Variants in GINS4 observed in about 807,000 individuals in gnomAD.
GINS4 encodes DNA replication complex GINS protein SLD5.
Under a neutral mutation model 31.1 loss-of-function variants are expected in GINS4, and 20 were observed. The ratio of observed to expected loss-of-function variants is 0.64; its 90% CI spans 0.45 to 0.93. GINS4 has a LOEUF of 0.93. Ranked by LOEUF, GINS4 falls within the 40% of genes least tolerant of loss-of-function variation. The pLI is 0.00. For synonymous variants in GINS4, 85 were observed against 97.9 expected, an observed-to-expected ratio of 0.87 and a Z score of 0.78; for missense variants, 245 against 273.9, an observed-to-expected ratio of 0.89 and a Z score of 0.75.
chr8:41,534,907 G>T (rs1806716024), intron 2 of GINS4, among the ~76,000 whole-genome samples: 1 of 152,022 alleles, frequency 6.6e-6, no homozygotes, highest in Non-Finnish European at 1.5e-5. Flanking sequence ...TGTATTTTTA[G>T]TGGAGACGGA....
Position 41,539,968 on chromosome 8 carries a change from C to A in GINS4, c.448C>A (p.Pro150Thr), listed in dbSNP as rs767560732. ...YLKNVALKHM[P>T]PNLQKVDLFR... ...GAAAAATGTCGCCTTGAAGCACATG[C>A]CCCCTAACTTACAGAAGGTGGACCT... is the stretch of plus-strand genomic sequence containing the variant. The change falls in exon 6 of 8, where the codon CCC (proline) becomes ACC (threonine). Residue 150 changes from proline to threonine, a missense_variant. Physicochemically the swap from Pro to Thr is conservative, Grantham distance 38. Transcript: ENST00000276533. 7.4e-6 allele frequency: 12 copies of A among 1,614,114 alleles called. No individual in the cohort carries two copies. The highest frequency in any genetic ancestry group is 1.0e-5 in the Non-Finnish European group (12 of 1,179,960).
intron 3 of GINS4, among the ~76,000 whole-genome samples, chr8:41,536,813 G>T (rs570516269): frequency 1.4e-3 from 207 of 152,286 alleles, no homozygotes; most frequent in African/African-American, 4.3e-3. Flanking sequence ...GTGGTCCCTG[G>T]CCTAGATGAT....
At chr8:41,537,591 A>G (rs1322553790) in intron 4 of GINS4, 31 of 276,210 alleles carry the variant, frequency 1.1e-4, no homozygotes, top group Non-Finnish European at 7.6e-5. Context: ...AGTTGTTGGC[A>G]TTGGTCAATA....
chr8:41,540,654 A>G (rs1038629871), intron 6 of GINS4, among the ~76,000 whole-genome samples: 1 of 152,226 alleles, frequency 6.6e-6, no homozygotes, highest in Non-Finnish European at 1.5e-5. Context: ...CCTGGCTTAC[A>G]GGATAAAGCC....
rs1806901676 is a variant in GINS4 at position 41,544,616 on chromosome 8, CAACTT to C, written c.*2530_*2534del. The C allele has an allele frequency of 6.6e-6, 1 of 152,130 alleles. No individual in the cohort carries two copies. The highest frequency in any genetic ancestry group is 1.5e-5 in the Non-Finnish European group (1 of 68,030). The allele number at this position is 152,130 out of a possible 1,614,324, so 9.4% of individuals were successfully genotyped here. A position where few individuals can be genotyped will look rare whatever the true frequency, so the allele number is the denominator to read the frequency against. Reference sequence around the variant, plus strand: ...TATGCTTGTTATATAAAGAAAGAGACAACTTCACTGTATGATCATTTTGTCACTTT... The same window carrying C: ...TATGCTTGTTATATAAAGAAAGAGACCACTGTATGATCATTTTGTCACTTT... On this transcript the variant is annotated 3_prime_UTR_variant, in exon 8 of 8. Coordinates refer to ENST00000276533, the MANE Select transcript of GINS4 (RefSeq NM_032336.3).
intron 2 of GINS4, among the ~76,000 whole-genome samples, chr8:41,531,992 ATATTGGGTTTCGCTG>A (rs1806653967): frequency 6.6e-6 from 1 of 152,122 alleles, no homozygotes; most frequent in Admixed American, 6.6e-5. Context: ...GGGTTTCACC[ATATTGGGTTTCGCTG>A]TGTTGGCCAG....
intron 4 of GINS4, among the ~76,000 whole-genome samples, chr8:41,538,686 C>G (rs1806781747): frequency 6.6e-6 from 1 of 151,728 alleles, no homozygotes; most frequent in Non-Finnish European, 1.5e-5. Flanking sequence ...CATCAACCCC[C>G]TTTTTTTATT....
At chr8:41,529,955 G>A in intron 1 of GINS4, 1 of 463,470 alleles carries the variant, frequency 2.2e-6, no homozygotes, top group Non-Finnish European at 3.9e-6. Context: ...AGCTCTTGGT[G>A]GACAGAAGTA....
In GINS4 at chr8:41,544,470, A is replaced by G. The variant is rs1806898554; in HGVS notation, c.*2383A>G. 1 of 152,184 alleles carries G rather than the reference A, an allele frequency of 6.6e-6. No individual in the cohort carries two copies. Among genetic ancestry groups the G allele is most frequent in the Non-Finnish European group, 1.5e-5 (1 of 68,040 alleles). The allele number at this position is 152,184 out of a possible 1,614,324, so 9.4% of individuals were successfully genotyped here. A position where few individuals can be genotyped will look rare whatever the true frequency, so the allele number is the denominator to read the frequency against. On this transcript the variant is annotated 3_prime_UTR_variant, in exon 8 of 8. Transcript: ENST00000276533. ...TTAACCTAGAACAGTGTGCTTCCTA[A>G]GCCTTAATGTGCATACCCATCGCCT...
Position 41,536,348 on chromosome 8 carries a change from T to G in GINS4, c.97-12T>G. On this transcript the variant is annotated splice_polypyrimidine_tract_variant and intron_variant, in intron 2 of 7. Coordinates refer to ENST00000276533, the MANE Select transcript of GINS4 (RefSeq NM_032336.3). ...TGGGTGATGCTTGCTTTTTCTGGCA[T>G]TTGTCTTTTAGGCCTGGATGAATGA... 1.5e-5 allele frequency: 24 copies of G among 1,572,132 alleles called. No individual in the cohort carries two copies. The highest frequency in any genetic ancestry group is 2.1e-5 in the Non-Finnish European group (24 of 1,141,758).
chr8:41,539,192 T>C (rs544929120), intron 4 of GINS4, among the ~76,000 whole-genome samples: 22 of 151,242 alleles, frequency 1.5e-4, no homozygotes, highest in Non-Finnish European at 3.0e-4. Context: ...TGGTGGTGGG[T>C]GCCTGTAATC....
At position 41,539,712 on chromosome 8, in the gene GINS4, A is replaced by G. The variant is rs550157200; in HGVS notation, c.332A>G (p.Glu111Gly). ...TTTTTCCCTCATGTCCTTGAGAAGG[A>G]AAAAACACGTCCTGAGGGGGAGCCT... ...EKFFPHVLEK[E>G]KTRPEGEPSS... The change falls in exon 5 of 8, where the codon GAA becomes GGA. Residue 111 changes from glutamate (E) to glycine (G), a missense_variant. Transcript: ENST00000276533. 1 of 1,613,832 alleles carries G rather than the reference A, an allele frequency of 6.2e-7. No homozygotes were observed. The highest frequency in any genetic ancestry group is 1.3e-5 in the African/African-American group (1 of 75,034).
At chr8:41,535,336 TC>T (rs1184355464) in intron 2 of GINS4, among the ~76,000 whole-genome samples, 2 of 152,086 alleles carry the variant, frequency 1.3e-5, no homozygotes, top group African/African-American at 4.8e-5. Context: ...AGACTGTGCC[TC>T]AAAAATAAAT....
Position 41,541,818 on chromosome 8 carries a change from C to G in GINS4, c.494C>G (p.Pro165Arg). ...KVDLFRAVPKPDLDSYVFLRV... is the reference protein window; with the variant it reads ...KVDLFRAVPKRDLDSYVFLRV... ...GTTGTTTTCCTGGCAGTTCCCAAACCAGATCTAGATTCTTACGTGTTTCTG... is the reference window on the plus strand; with the variant it reads ...GTTGTTTTCCTGGCAGTTCCCAAACGAGATCTAGATTCTTACGTGTTTCTG... The change falls in exon 7 of 8, where the codon CCA (proline) becomes CGA (arginine). Residue 165 changes from proline to arginine, a missense_variant. Physicochemically the swap from Pro to Arg is moderately radical, Grantham distance 103. Transcript: ENST00000276533. The G allele has an allele frequency of 6.2e-7, 1 of 1,613,774 alleles. No homozygotes were observed. The highest frequency in any genetic ancestry group is 1.1e-5 in the South Asian group (1 of 91,038).
At chr8:41,537,378 C>A in intron 4 of GINS4, 85 bp downstream of exon 4, 3 of 970,000 alleles carry the variant, frequency 3.1e-6, no homozygotes, top group Non-Finnish European at 4.8e-6. Context: ...TGGGCTGGGG[C>A]CCAGGAGGGT....
Position 41,542,073 on chromosome 8 carries a change from G to C in GINS4, c.658G>C (p.Val220Leu), listed in dbSNP as rs1445071638. ...TGCACCTCTGGTTGCATCTGGAGCTGTCCAGCTAATTTAAAACTAGGCATA... is the reference window on the plus strand; with the variant it reads ...TGCACCTCTGGTTGCATCTGGAGCTCTCCAGCTAATTTAAAACTAGGCATA... ...TIAPLVASGA[V>L]QLI Residue 220 changes from valine (V) to leucine (L), a missense_variant, in exon 8 of 8, where the codon GTC (valine) becomes CTC (leucine). Coordinates refer to ENST00000276533, the MANE Select transcript of GINS4 (RefSeq NM_032336.3). 3 of 1,613,642 alleles carry C rather than the reference G, an allele frequency of 1.9e-6. No individual in the cohort carries two copies. The highest frequency in any genetic ancestry group is 2.5e-6 in the Non-Finnish European group (3 of 1,179,682).
chr8:41,540,143 A>C, intron 6 of GINS4, 139 bp downstream of exon 6: 1 of 663,066 alleles, frequency 1.5e-6, no homozygotes, highest in South Asian at 1.9e-5. Flanking sequence ...ATTCTAGCTA[A>C]AAACCAAAAA....
chr8:41,531,743 TG>T (rs1332108775), intron 2 of GINS4, among the ~76,000 whole-genome samples: 1 of 152,136 alleles, frequency 6.6e-6, no homozygotes, highest in African/African-American at 2.4e-5. Context: ...ACCTAGTTTG[TG>T]GAACAGCATT....
intron 3 of GINS4, 125 bp downstream of exon 3, chr8:41,536,571 TA>T (rs1806744865): frequency 3.2e-6 from 2 of 620,318 alleles, no homozygotes; most frequent in Non-Finnish European, 5.8e-6. Flanking sequence ...TCCAGTTCTT[TA>T]AAACAACATT....
Sources: gnomAD v4.1 joint callset for allele counts (sites outside exome capture counted in the v4.1 genomes callset) on GRCh38, gnomAD v4.1.1 for gene constraint, MANE v1.5 for transcripts, NCBI Gene and HGNC (gene_info 2026-07-23, HGNC 2026-07-21) for gene names.